The following PMFBP1 variants were observed in gnomAD, a reference collection of about 807,000 sequenced individuals.
The protein encoded by PMFBP1 is polyamine modulated factor 1 binding protein 1.
A neutral mutation model predicts 137.8 loss-of-function variants in PMFBP1; 131 were observed. That is an observed-to-expected ratio of 0.95 (90% CI 0.82 to 1.10). The LOEUF is 1.10. Ranked by LOEUF, PMFBP1 falls within the 50% of genes least tolerant of loss-of-function variation. The pLI, the probability that PMFBP1 is intolerant of heterozygous loss-of-function variation, is 0.00. For synonymous variants in PMFBP1, 490 were observed against 450.4 expected, an observed-to-expected ratio of 1.09 and a Z score of -1.11; for missense variants, 1,199 against 1,175.4, an observed-to-expected ratio of 1.02 and a Z score of -0.29.
intron 4 of PMFBP1, among the ~76,000 whole-genome samples, chr16:72,152,823 C>T (rs962982569): frequency 4.8e-5 from 6 of 125,840 alleles, no homozygotes; most frequent in Admixed American, 9.9e-5. Flanking sequence ...CCAGCCTGGG[C>T]GACAGATTGA....
the PMFBP1 span, among the ~76,000 whole-genome samples, chr16:72,213,695 T>C: frequency 2.0e-5 from 3 of 152,248 alleles, no homozygotes; most frequent in Non-Finnish European, 4.4e-5. Context: ...ATACTCATTG[T>C]TTTAAGCTGC....
At chr16:72,168,941 T>C (rs1030234080) in intron 2 of PMFBP1, among the ~76,000 whole-genome samples, 4 of 152,152 alleles carry the variant, frequency 2.6e-5, no homozygotes, top group Admixed American at 2.0e-4. Context: ...GGAGAAGACA[T>C]TTTGCTTTAG....
chr16:72,124,827 G>C lies in PMFBP1; in HGVS notation c.2529C>G (p.Leu843=), dbSNP rs1468175215. The change falls in exon 17 of 21, where the codon CTC becomes CTG. Residue 843 remains leucine, a synonymous_variant. Transcript: ENST00000237353. The part of the protein sequence containing the change: ...LKMLAAKEEQ[L]REFQEEMAAL... ...CGGCCATCTCCTCCTGGAACTCCCT[G>C]AGCTGCTCCTCTTTGGCTGCCAGCA... The C allele has an allele frequency of 6.2e-6, 10 of 1,614,058 alleles. No homozygotes were observed. The highest frequency in any genetic ancestry group is 1.3e-5 in the African/African-American group (1 of 74,934).
chr16:72,210,068 T>C, the PMFBP1 span, among the ~76,000 whole-genome samples: 3 of 152,232 alleles, frequency 2.0e-5, no homozygotes, highest in Admixed American at 2.0e-4. Flanking sequence ...CCCTGTCTAT[T>C]CCTCTGTCAG....
chr16:72,121,202 C>T (rs952595954), intron 19 of PMFBP1, among the ~76,000 whole-genome samples: 3 of 152,206 alleles, frequency 2.0e-5, no homozygotes, highest in Non-Finnish European at 4.4e-5. Flanking sequence ...TCCTCAACCT[C>T]TTCTGTGGGC....
intron 5 of PMFBP1, 61 bp downstream of exon 5, chr16:72,150,547 G>C (rs2042885135): frequency 2.0e-6 from 3 of 1,533,290 alleles, no homozygotes; most frequent in Non-Finnish European, 2.7e-6. Flanking sequence ...GGGACTGTCT[G>C]AGGGGACCAC....
intron 1 of PMFBP1, 149 bp downstream of exon 1, chr16:72,171,905 C>A (rs142190612): frequency 2.4e-4 from 37 of 152,266 alleles, no homozygotes; most frequent in African/African-American, 8.7e-4. Flanking sequence ...GCTAGAAAGC[C>A]TCCCAGGAAA....
chr16:72,192,901 C>CAAAAAAAA, the PMFBP1 span, among the ~76,000 whole-genome samples: 1 of 85,260 alleles, frequency 1.2e-5, no homozygotes, highest in African/African-American at 4.6e-5. Context: ...GTCTCTGTCT[C>CAAAAAAAA]AAAAAAAAAA....
intron 5 of PMFBP1, among the ~76,000 whole-genome samples, chr16:72,144,291 T>C (rs1405296090): frequency 2.0e-5 from 3 of 151,864 alleles, no homozygotes; most frequent in Non-Finnish European, 4.4e-5. Context: ...CTAAATTTCA[T>C]TAAGAAAAGA....
At chr16:72,236,728 C>G in the PMFBP1 span, among the ~76,000 whole-genome samples, 1 of 152,172 alleles carries the variant, frequency 6.6e-6, no homozygotes, top group Non-Finnish European at 1.5e-5. Context: ...AGTTGTACAC[C>G]TCACTTATAT....
intron 5 of PMFBP1, among the ~76,000 whole-genome samples, chr16:72,141,702 ATT>A (rs946740051): frequency 1.4e-5 from 2 of 147,344 alleles, no homozygotes; most frequent in African/African-American, 4.9e-5. Flanking sequence ...TTGTTTCCAT[ATT>A]TTTTTTTTTC....
upstream of PMFBP1, among the ~76,000 whole-genome samples, chr16:72,174,548 C>CTAATG (rs1359984190): frequency 2.6e-5 from 4 of 152,142 alleles, no homozygotes; most frequent in African/African-American, 9.7e-5. Flanking sequence ...GCCACATGTA[C>CTAATG]TAGTATTAGT....
At chr16:72,206,866 G>A in the PMFBP1 span, among the ~76,000 whole-genome samples, 11 of 152,186 alleles carry the variant, frequency 7.2e-5, no homozygotes, top group African/African-American at 2.7e-4. Context: ...GACTGCACGT[G>A]ATCTCAACAT....
chr16:72,198,142 A>T, the PMFBP1 span, among the ~76,000 whole-genome samples: 422 of 152,276 alleles, frequency 2.8e-3, no homozygotes, highest in Non-Finnish European at 4.7e-3. Flanking sequence ...CTAGAATGTG[A>T]ACTTGAATGT....
chr16:72,215,433 AG>A, the PMFBP1 span, among the ~76,000 whole-genome samples: 18,247 of 152,120 alleles, frequency 0.12, 1,461 homozygotes, highest in South Asian at 0.17. Flanking sequence ...AACTTTGGTC[AG>A]GATAATCATA....
chr16:72,212,629 A>G, the PMFBP1 span, among the ~76,000 whole-genome samples: 1 of 152,238 alleles, frequency 6.6e-6, no homozygotes, highest in South Asian at 2.1e-4. Context: ...TTCTAGAAAA[A>G]GAGAAGAGAT....
In PMFBP1 at chr16:72,150,626, G is replaced by A. The variant is rs1047412342; in HGVS notation, c.618C>T (p.Leu206=). 5.0e-6 allele frequency: 8 copies of A among 1,613,016 alleles called. No individual in the cohort carries two copies. The highest frequency in any genetic ancestry group is 5.9e-6 in the Non-Finnish European group (7 of 1,180,012). The change falls in exon 5 of 21, where the codon CTC becomes CTT. Residue 206 remains leucine, a synonymous_variant. Coordinates refer to ENST00000237353, the MANE Select transcript of PMFBP1 (RefSeq NM_031293.3). ...ECQVKMLQGE[L]GGIMGQEPEN... ...GTCCTACCTGACCCATGATCCCGCC[G>A]AGTTCCCCCTGCAACATCTTCACTT...
intron 3 of PMFBP1, among the ~76,000 whole-genome samples, chr16:72,162,414 A>C (rs529577483): frequency 6.6e-6 from 1 of 152,366 alleles, no homozygotes; most frequent in Non-Finnish European, 1.5e-5. Context: ...TTTGTTATAC[A>C]TAACAGCTAA....
At chr16:72,191,958 T>C in the PMFBP1 span, among the ~76,000 whole-genome samples, 1 of 152,240 alleles carries the variant, frequency 6.6e-6, no homozygotes, top group Non-Finnish European at 1.5e-5. Flanking sequence ...TACATTCAGA[T>C]GCTTACAGCA....
Sources: allele counts gnomAD v4.1 joint callset (sites outside exome capture counted in the v4.1 genomes callset), GRCh38; gene constraint gnomAD v4.1.1; transcripts MANE v1.5; gene names NCBI Gene and HGNC (gene_info 2026-07-23, HGNC 2026-07-21).